GABRA4: variants seen among roughly 807,000 people sequenced by gnomAD.
GABRA4 encodes gamma-aminobutyric acid type A receptor subunit alpha4.
Under a neutral mutation model 49.7 loss-of-function variants are expected in GABRA4, and 12 were observed. The ratio of observed to expected loss-of-function variants is 0.24; its 90% CI spans 0.15 to 0.39. The LOEUF (loss-of-function observed/expected upper bound fraction) is 0.39. Among genes scored for constraint, GABRA4 ranks in the 10% least tolerant of loss-of-function variants. The probability of loss-of-function intolerance (pLI) is 1.00; values close to 1 mark genes in which losing one functional copy is unlikely to be tolerated. For synonymous variants in GABRA4, 288 were observed against 240.2 expected, an observed-to-expected ratio of 1.20 and a Z score of -1.84; for missense variants, 506 against 686.0, an observed-to-expected ratio of 0.74 and a Z score of 2.93.
At chr4:46,990,526 T>C (rs956671522) in intron 2 of GABRA4, among the ~76,000 whole-genome samples, 3 of 152,244 alleles carry the variant, frequency 2.0e-5, no homozygotes, top group Admixed American at 6.5e-5. Context: ...TAGTTTCAGT[T>C]CTAACTTTTC....
intron 2 of GABRA4, among the ~76,000 whole-genome samples, chr4:46,989,881 T>C (rs771906658): frequency 6.6e-5 from 10 of 152,200 alleles, no homozygotes; most frequent in Admixed American, 1.3e-4. Flanking sequence ...TTCCACAGAG[T>C]ATCCAATACT....
intron 2 of GABRA4, among the ~76,000 whole-genome samples, chr4:46,987,929 C>A (rs1427101253): frequency 6.6e-6 from 1 of 152,064 alleles, no homozygotes; most frequent in African/African-American, 2.4e-5. Context: ...TACAGGGTCC[C>A]CAGAGACCCT....
chr4:46,924,956 T>C lies in GABRA4; in HGVS notation c.*3269A>G, dbSNP rs1721162986. 6.6e-6 allele frequency: 1 copy of C among 151,980 alleles called. No homozygotes were observed. Among genetic ancestry groups the C allele is most frequent in the African/African-American group, 2.4e-5 (1 of 41,412 alleles). The allele number at this position is 151,980 out of a possible 1,614,324, so 9.4% of individuals were successfully genotyped here. A position where few individuals can be genotyped will look rare whatever the true frequency, so the allele number is the denominator to read the frequency against. The stretch of plus-strand genomic sequence containing the variant: ...AGAACTTGAAATTAAGTGACCCATC[T>C]CCACACCTGGTGTCTTTTACTGGAG... On this transcript the variant is annotated 3_prime_UTR_variant, in exon 9 of 9. Transcript: ENST00000264318.
At chr4:46,975,095 G>A (rs1015452155) in intron 5 of GABRA4, among the ~76,000 whole-genome samples, 1 of 151,948 alleles carries the variant, frequency 6.6e-6, no homozygotes, top group Non-Finnish European at 1.5e-5. Flanking sequence ...TGTGCAAATG[G>A]AGAACAGCTG....
rs112004707 is a variant in GABRA4 at position 46,990,916 on chromosome 4, C to A, written c.205+1912G>T. Among the ~76,000 whole-genome samples, 310 of 152,334 alleles carry A rather than the reference C, an allele frequency of 2.0e-3. 1 individual carries two copies. The highest frequency in any genetic ancestry group is 7.0e-3 in the African/African-American group (289 of 41,572). Reference sequence around the variant, plus strand: ...ACAAATGCTGGCCCGGCGCGGCTCACGCCTATAATCCCAGCACTTTGGGAG... The same window carrying A: ...ACAAATGCTGGCCCGGCGCGGCTCAAGCCTATAATCCCAGCACTTTGGGAG... On this transcript the variant is annotated intron_variant, in intron 2 of 8. Transcript: ENST00000264318.
intron 2 of GABRA4, among the ~76,000 whole-genome samples, chr4:46,988,854 T>G (rs1723636340): frequency 6.6e-6 from 1 of 152,190 alleles, no homozygotes; most frequent in Non-Finnish European, 1.5e-5. Context: ...GTTTTAAAGA[T>G]GAGGGTGTGT....
intron 7 of GABRA4, among the ~76,000 whole-genome samples, chr4:46,966,830 T>G (rs1244635911): frequency 6.6e-6 from 1 of 151,762 alleles, no homozygotes; most frequent in Non-Finnish European, 1.5e-5. Context: ...TTAAAAATAT[T>G]TTGTGACATT....
chr4:46,932,706 G>A (rs538684749), intron 8 of GABRA4, among the ~76,000 whole-genome samples: 4 of 152,152 alleles, frequency 2.6e-5, no homozygotes, highest in Admixed American at 2.0e-4. Context: ...AAAGGTTATG[G>A]TTTTATTGCC....
In GABRA4 at chr4:46,926,597, G is replaced by C. The variant is rs1253451761; in HGVS notation, c.*1628C>G. 6.6e-6 allele frequency: 1 copy of C among 152,042 alleles called. No homozygotes were observed. Among genetic ancestry groups the C allele is most frequent in the East Asian group, 1.9e-4 (1 of 5,170 alleles). 9.4% of individuals were successfully genotyped at this position (152,042 alleles called of 1,614,324 possible). A position where few individuals can be genotyped will look rare whatever the true frequency, so the allele number is the denominator to read the frequency against. On this transcript the variant is annotated 3_prime_UTR_variant, in exon 9 of 9. Coordinates refer to ENST00000264318, the MANE Select transcript of GABRA4 (RefSeq NM_000809.4). The stretch of plus-strand genomic sequence containing the variant: ...TTCTATAAAAACAAAAAGAGAGAGA[G>C]AGATTTTGTCTGCAAGGTGGTCATT...
chr4:46,929,835 G>GA (rs1479284048), intron 8 of GABRA4, among the ~76,000 whole-genome samples: 2 of 151,894 alleles, frequency 1.3e-5, no homozygotes, highest in African/African-American at 4.8e-5. Flanking sequence ...GATGGTGAGT[G>GA]AAAAAATGGA....
rs996895192 is a variant in GABRA4, at chr4:46,920,158, A to C, written c.*8067T>G. 1.3e-5 allele frequency: 2 copies of C among 151,736 alleles called. No homozygotes were observed. Among genetic ancestry groups the C allele is most frequent in the African/African-American group, 4.8e-5 (2 of 41,434 alleles). The allele number at this position is 151,736 out of a possible 1,614,324, so 9.4% of individuals were successfully genotyped here. ...TCAATCAAACTTTAACTGAAATGCT[A>C]TACATTGTCTGTTATCAGAGCTTCT... On this transcript the variant is annotated 3_prime_UTR_variant, in exon 9 of 9. Transcript: ENST00000264318.
rs1017217273 is a variant in GABRA4 at position 46,923,659 on chromosome 4, T to C, written c.*4566A>G. On this transcript the variant is annotated 3_prime_UTR_variant, in exon 9 of 9. Transcript: ENST00000264318. ...GAGATCTCAACTGTTCCACTACCTC[T>C]AGATTTGTGGCCCTCCAAACCATAG... 2.6e-5 allele frequency: 4 copies of C among 152,148 alleles called. No homozygotes were observed. The highest frequency in any genetic ancestry group is 9.7e-5 in the African/African-American group (4 of 41,438). 9.4% of individuals were successfully genotyped at this position (152,148 alleles called of 1,614,324 possible). A position where few individuals can be genotyped will look rare whatever the true frequency, so the allele number is the denominator to read the frequency against.
At chr4:46,977,938 G>T (rs1274403475) in intron 3 of GABRA4, among the ~76,000 whole-genome samples, 1 of 151,958 alleles carries the variant, frequency 6.6e-6, no homozygotes, top group Non-Finnish European at 1.5e-5. Context: ...AGTTACAATT[G>T]TGTTTTACTT....
At chr4:46,985,348 T>C (rs1333583224) in intron 2 of GABRA4, among the ~76,000 whole-genome samples, 2 of 151,954 alleles carry the variant, frequency 1.3e-5, no homozygotes, top group East Asian at 3.9e-4. Flanking sequence ...AGAATAAGAG[T>C]TGTCCAAGTC....
intron 8 of GABRA4, among the ~76,000 whole-genome samples, chr4:46,950,456 C>T (rs111653325): frequency 2.9e-4 from 44 of 152,006 alleles, no homozygotes; most frequent in African/African-American, 1.0e-3. Context: ...TAAAAAGAAG[C>T]GACTAATAAG....
chr4:46,971,880 G>A (rs1020835571), intron 6 of GABRA4, among the ~76,000 whole-genome samples: 2 of 151,322 alleles, frequency 1.3e-5, no homozygotes, highest in Non-Finnish European at 3.0e-5. Flanking sequence ...CTGAGTTCAA[G>A]CATGTTTTAC....
intron 2 of GABRA4, among the ~76,000 whole-genome samples, chr4:46,982,952 A>T (rs981892686): frequency 6.6e-6 from 1 of 152,060 alleles, no homozygotes; most frequent in Non-Finnish European, 1.5e-5. Context: ...AAGAACAATA[A>T]GCGAAGATAC....
At chr4:46,942,891 C>T (rs1004976520) in intron 8 of GABRA4, among the ~76,000 whole-genome samples, 7 of 152,020 alleles carry the variant, frequency 4.6e-5, no homozygotes, top group Admixed American at 4.6e-4. Context: ...ATATTTATAT[C>T]AATATCATAA....
At chr4:46,982,431 G>A (rs1157596640) in intron 2 of GABRA4, among the ~76,000 whole-genome samples, 1 of 151,846 alleles carries the variant, frequency 6.6e-6, no homozygotes, top group African/African-American at 2.4e-5. Flanking sequence ...AGAGAAGATG[G>A]CCATCTATAA....
Sources: allele counts gnomAD v4.1 joint callset (sites outside exome capture counted in the v4.1 genomes callset), GRCh38; gene constraint gnomAD v4.1.1; transcripts MANE v1.5; gene names NCBI Gene and HGNC (gene_info 2026-07-23, HGNC 2026-07-21).